Variants in LUZP2 observed in about 807,000 individuals in gnomAD.
LUZP2 encodes the protein leucine zipper protein 2.
LUZP2 carries 52 observed loss-of-function variants against 51.6 expected under a neutral mutation model. The ratio of observed to expected loss-of-function variants is 1.01; its 90% CI spans 0.81 to 1.27. LUZP2 has a LOEUF of 1.27. LUZP2 is among the 50% of genes most tolerant of loss of function. The probability of loss-of-function intolerance (pLI) is 0.00; values close to 1 mark genes in which losing one functional copy is unlikely to be tolerated. For synonymous variants in LUZP2, 154 were observed against 137.3 expected, an observed-to-expected ratio of 1.12 and a Z score of -0.85; for missense variants, 436 against 395.4, an observed-to-expected ratio of 1.10 and a Z score of -0.87.
Position 24,926,613 on chromosome 11 carries a change from GTA to G in LUZP2, c.522+12085_522+12086del, listed in dbSNP as rs750907327. On this transcript the variant is annotated intron_variant, in intron 7 of 11. Coordinates refer to ENST00000336930, the MANE Select transcript of LUZP2 (RefSeq NM_001009909.4). Reference sequence around the variant, plus strand: ...TGTGTATATATATGTGTGTATATATGTATATATATATGTGTGTATATATGTAT... The same window carrying G: ...TGTGTATATATATGTGTGTATATATGTATATATATGTGTGTATATATGTAT... Among the ~76,000 whole-genome samples the G allele has an allele frequency of 7.2e-3, 1,034 of 144,110 alleles. 12 individuals are homozygous for G. The highest frequency in any genetic ancestry group is 0.014 in the African/African-American group (549 of 39,248). The allele number at this position is 144,110 out of a possible 152,430, so 94.5% of individuals were successfully genotyped here. A position where few individuals can be genotyped will look rare whatever the true frequency, so the allele number is the denominator to read the frequency against.
chr11:24,657,687 T>A (rs547380895), intron 1 of LUZP2, among the ~76,000 whole-genome samples: 2 of 152,302 alleles, frequency 1.3e-5, no homozygotes, highest in East Asian at 3.9e-4. Context: ...CCCCATCGTC[T>A]CAGCCCAAAA....
chr11:24,713,518 A>T (rs889667366), intron 1 of LUZP2, among the ~76,000 whole-genome samples: 3 of 151,956 alleles, frequency 2.0e-5, no homozygotes, highest in African/African-American at 7.2e-5. Flanking sequence ...CCATCCAAAG[A>T]TCAGAAATAT....
At chr11:24,684,093 G>A (rs1856826808) in intron 1 of LUZP2, among the ~76,000 whole-genome samples, 1 of 151,460 alleles carries the variant, frequency 6.6e-6, no homozygotes, top group Admixed American at 6.6e-5. Context: ...TTCAATCTCA[G>A]GTCCAATCTT....
chr11:24,690,141 A>G (rs1208387466), intron 1 of LUZP2, among the ~76,000 whole-genome samples: 1 of 152,124 alleles, frequency 6.6e-6, no homozygotes, highest in Non-Finnish European at 1.5e-5. Flanking sequence ...AAATTTTTAT[A>G]AGATTTTAAT....
intron 9 of LUZP2, among the ~76,000 whole-genome samples, chr11:25,048,242 A>G (rs1034645294): frequency 6.6e-6 from 1 of 152,150 alleles, no homozygotes; most frequent in African/African-American, 2.4e-5. Flanking sequence ...ACTAAGTCTC[A>G]TTCTTCCGTT....
intron 1 of LUZP2, among the ~76,000 whole-genome samples, chr11:24,528,452 G>A (rs137897891): frequency 6.6e-5 from 10 of 151,228 alleles, no homozygotes; most frequent in Non-Finnish European, 1.2e-4. Context: ...AATGCTGATG[G>A]CACATACTTT....
At chr11:24,800,614 G>A (rs1364928446) in intron 5 of LUZP2, among the ~76,000 whole-genome samples, 1 of 151,574 alleles carries the variant, frequency 6.6e-6, no homozygotes, top group Non-Finnish European at 1.5e-5. Flanking sequence ...TGCTTTCCAG[G>A]TCATATCCTC....
intron 1 of LUZP2, among the ~76,000 whole-genome samples, chr11:24,574,288 CCTTT>C (rs1310403921): frequency 1.2e-5 from 1 of 85,472 alleles, no homozygotes; most frequent in Non-Finnish European, 2.2e-5. Context: ...TTCTTTCTTT[CCTTT>C]CTTTCTTTCT....
At chr11:24,917,211 T>A (rs1283656858) in intron 7 of LUZP2, among the ~76,000 whole-genome samples, 1 of 152,200 alleles carries the variant, frequency 6.6e-6, no homozygotes, top group Admixed American at 6.6e-5. Context: ...TTGTTTGAGT[T>A]CTTTGTAGAT....
At chr11:24,502,311 G>A (rs1034961499) in intron 1 of LUZP2, among the ~76,000 whole-genome samples, 1 of 152,064 alleles carries the variant, frequency 6.6e-6, no homozygotes, top group African/African-American at 2.4e-5. Flanking sequence ...ATGATTGGTA[G>A]AGAAGAGAGG....
At chr11:24,613,515 G>A (rs1854188945) in intron 1 of LUZP2, among the ~76,000 whole-genome samples, 1 of 151,996 alleles carries the variant, frequency 6.6e-6, no homozygotes, top group Non-Finnish European at 1.5e-5. Flanking sequence ...AGCTTGGAAT[G>A]TAGGAAAATT....
At chr11:24,958,940 A>G (rs1855300169) in intron 7 of LUZP2, among the ~76,000 whole-genome samples, 1 of 152,206 alleles carries the variant, frequency 6.6e-6, no homozygotes, top group African/African-American at 2.4e-5. Flanking sequence ...ATAAGGTAGT[A>G]AGGAAGGGAT....
rs543884837 is a variant in LUZP2, at chr11:24,828,417, A to G, written c.396+65109A>G. Among the ~76,000 whole-genome samples, 8 of 152,320 alleles carry G rather than the reference A, an allele frequency of 5.3e-5. No individual in the cohort carries two copies. In the East Asian group the frequency reaches 1.5e-3, roughly 29 times the overall value. On this transcript the variant is annotated intron_variant, in intron 5 of 11. Coordinates refer to ENST00000336930, the MANE Select transcript of LUZP2 (RefSeq NM_001009909.4). ...TCACTATGTTTACTACCCATTGAACATGCAAAAATTCCTGTGCAGAGAGAT... is the reference window on the plus strand; with the variant it reads ...TCACTATGTTTACTACCCATTGAACGTGCAAAAATTCCTGTGCAGAGAGAT...
At chr11:24,535,957 C>A (rs1851164360) in intron 1 of LUZP2, among the ~76,000 whole-genome samples, 1 of 151,610 alleles carries the variant, frequency 6.6e-6, no homozygotes, top group African/African-American at 2.4e-5. Context: ...GATCCCTGGG[C>A]TATAGGATGA....
chr11:24,878,104 T>TTC (rs1387749827), intron 5 of LUZP2, among the ~76,000 whole-genome samples: 1 of 146,418 alleles, frequency 6.8e-6, no homozygotes, highest in South Asian at 2.1e-4. Context: ...TTCTGTGTTT[T>TTC]TTTTTTTTTT....
chr11:24,898,639 AAAC>A (rs1212718160), intron 5 of LUZP2, among the ~76,000 whole-genome samples: 54 of 152,272 alleles, frequency 3.5e-4, no homozygotes, highest in African/African-American at 1.2e-3. Context: ...AAAAAAAAAA[AAAC>A]AAGAGTTTAA....
In LUZP2 at chr11:24,701,562, C is replaced by G. The variant is rs147786612; in HGVS notation, c.63-27607C>G. 8.1e-3 allele frequency: 1,265 copies of G among 155,552 alleles called. 4 individuals carry two copies. The highest frequency in any genetic ancestry group is 0.014 in the Non-Finnish European group (943 of 68,034). The allele number at this position is 155,552 out of a possible 1,614,324, so 9.6% of individuals were successfully genotyped here. The stretch of plus-strand genomic sequence containing the variant: ...CTGATGAAGCCCGAGACAAAGAAAC[C>G]AAATCTGATTAATATTATACATAGT... On this transcript the variant is annotated intron_variant, in intron 1 of 11. Transcript: ENST00000336930.
At chr11:24,979,424 C>A (rs1855966110) in intron 8 of LUZP2, among the ~76,000 whole-genome samples, 1 of 151,672 alleles carries the variant, frequency 6.6e-6, no homozygotes, top group African/African-American at 2.4e-5. Flanking sequence ...ATAGATTTTC[C>A]CCTCTCTCCA....
rs1414518838 is a variant in LUZP2, at chr11:24,764,489, CTAAAAAA to C, written c.396+1182_396+1188del. 5.3e-4 allele frequency among the ~76,000 whole-genome samples: 30 copies of C among 56,418 alleles called. 1 individual carries two copies. The highest frequency in any genetic ancestry group is 2.7e-3 in the Admixed American group (13 of 4,806). The allele number at this position is 56,418 out of a possible 152,430, so 37.0% of individuals were successfully genotyped here. A position where few individuals can be genotyped will look rare whatever the true frequency, so the allele number is the denominator to read the frequency against. On this transcript the variant is annotated intron_variant, in intron 5 of 11. Coordinates refer to ENST00000336930, the MANE Select transcript of LUZP2 (RefSeq NM_001009909.4). The stretch of plus-strand genomic sequence containing the variant: ...TGGACAACATGGTAAAATCTCATCT[CTAAAAAA>C]AAAAAAAAAAAAAAAAAAAATTAGC...
Sources: allele counts gnomAD v4.1 joint callset (sites outside exome capture counted in the v4.1 genomes callset), GRCh38; gene constraint gnomAD v4.1.1; transcripts MANE v1.5; gene names NCBI Gene and HGNC (gene_info 2026-07-23, HGNC 2026-07-21).